The following MDGA2 variants were observed in gnomAD, a reference collection of about 807,000 sequenced individuals.
The protein encoded by MDGA2 is MAM domain-containing glycosylphosphatidylinositol anchor protein 2.
In MDGA2, 40 loss-of-function variants were observed where a neutral mutation model predicts 117.8. The observed-to-expected ratio is 0.34, with a 90% confidence interval of 0.26 to 0.44. MDGA2 has a LOEUF of 0.44. MDGA2 is among the 20% of genes least tolerant of loss of function. The pLI is 1.00. For synonymous variants in MDGA2, 452 were observed against 439.0 expected (o/e 1.03, Z -0.37); for missense variants, 1,123 against 1,250.6 (o/e 0.90, Z 1.54).
At chr14:47,069,336 T>C (rs955231640) in intron 6 of MDGA2, among the ~76,000 whole-genome samples, 1 of 152,208 alleles carries the variant, frequency 6.6e-6, no homozygotes, top group Admixed American at 6.5e-5. Flanking sequence ...TGAACATCTC[T>C]TTTATACTGG....
chr14:47,109,849 G>A (rs549704716), intron 5 of MDGA2, among the ~76,000 whole-genome samples: 4 of 152,270 alleles, frequency 2.6e-5, no homozygotes, highest in East Asian at 1.9e-4. Flanking sequence ...GGGAGGCTGA[G>A]GCAAGATAAT....
intron 1 of MDGA2, among the ~76,000 whole-genome samples, chr14:47,420,922 T>C (rs1473627914): frequency 6.6e-6 from 1 of 152,072 alleles, no homozygotes; most frequent in Non-Finnish European, 1.5e-5. Flanking sequence ...CAGAGGACCA[T>C]TTTGATTCTT....
intron 1 of MDGA2, among the ~76,000 whole-genome samples, chr14:47,464,174 A>G (rs1893551438): frequency 6.6e-6 from 1 of 151,878 alleles, no homozygotes; most frequent in Non-Finnish European, 1.5e-5. Flanking sequence ...TGGTATCAGC[A>G]GACATAAATC....
chr14:47,227,089 GA>G (rs1244932483), intron 2 of MDGA2, among the ~76,000 whole-genome samples: 1 of 152,060 alleles, frequency 6.6e-6, no homozygotes, highest in Non-Finnish European at 1.5e-5. Context: ...ACATGCTTTA[GA>G]AATCAGCTGT....
chr14:47,674,752 G>A lies in MDGA2; in HGVS notation c.45C>T (p.Arg15=). The A allele has an allele frequency of 1.4e-6, 1 of 715,956 alleles. No homozygotes were observed. The highest frequency in any genetic ancestry group is 2.5e-6 in the Non-Finnish European group (1 of 397,630). The allele number at this position is 715,956 out of a possible 1,614,324, so 44.4% of individuals were successfully genotyped here. A position where few individuals can be genotyped will look rare whatever the true frequency, so the allele number is the denominator to read the frequency against. Residue 15 remains arginine (R), a synonymous_variant, in exon 1 of 17, where the codon CGC becomes CGT. Transcript: ENST00000399232. ...GCCGTCCGTCTGTCCTTCCCCGGCG[G>A]CGGCGGCGAGCGGAGCGCAGGAGCC... ...SAGLLRSARR[R]RRGRTDGRRF...
intron 1 of MDGA2, among the ~76,000 whole-genome samples, chr14:47,496,773 A>AAT (rs1035873258): frequency 6.7e-6 from 1 of 150,208 alleles, no homozygotes; most frequent in African/African-American, 2.4e-5. Flanking sequence ...ATTTTACTAT[A>AAT]ATATATATAA....
chr14:47,084,647 T>C (rs1890832269), intron 6 of MDGA2, among the ~76,000 whole-genome samples: 1 of 152,142 alleles, frequency 6.6e-6, no homozygotes, highest in Non-Finnish European at 1.5e-5. Context: ...TATCAGGACG[T>C]GGAGCTTTTC....
intron 3 of MDGA2, among the ~76,000 whole-genome samples, chr14:47,197,416 C>T (rs913213819): frequency 2.0e-5 from 3 of 151,930 alleles, no homozygotes; most frequent in East Asian, 1.9e-4. Context: ...GAAAGTGCTC[C>T]GTGGCTCACT....
chr14:47,645,344 C>T (rs141445513), intron 1 of MDGA2, among the ~76,000 whole-genome samples: 13,601 of 151,846 alleles, frequency 0.09, 648 homozygotes, highest in Non-Finnish European at 0.11. Context: ...CCCGGGTTCA[C>T]GCCATTCTCC....
chr14:46,939,379 A>G (rs1310069490), intron 9 of MDGA2, among the ~76,000 whole-genome samples: 3 of 152,174 alleles, frequency 2.0e-5, no homozygotes, highest in Non-Finnish European at 4.4e-5. Context: ...ACCCATAAAT[A>G]AGTAAAATTA....
rs769979012 is a variant in MDGA2 at position 47,061,595 on chromosome 14, C to T, written c.1196-17G>A. On this transcript the variant is annotated splice_polypyrimidine_tract_variant and intron_variant, in intron 6 of 16. Coordinates refer to ENST00000399232, the MANE Select transcript of MDGA2 (RefSeq NM_001113498.3). ...TTTTTAATGCTACAACATAAAAATT[C>T]CATAAGGAGTTAGTGTTACTTTCAT... 2.5e-6 allele frequency: 4 copies of T among 1,584,644 alleles called. No homozygotes were observed. The highest frequency in any genetic ancestry group is 1.4e-5 in the African/African-American group (1 of 73,892).
intron 10 of MDGA2, among the ~76,000 whole-genome samples, chr14:46,891,278 G>A (rs1882873905): frequency 6.6e-6 from 1 of 151,610 alleles, no homozygotes; most frequent in Admixed American, 6.6e-5. Context: ...CTATTAAAAT[G>A]TGTAGAATTA....
intron 6 of MDGA2, among the ~76,000 whole-genome samples, chr14:47,096,131 T>A (rs1298311487): frequency 6.6e-6 from 1 of 152,020 alleles, no homozygotes; most frequent in Non-Finnish European, 1.5e-5. Flanking sequence ...CTACTTTGAC[T>A]TAGTGACTTA....
intron 1 of MDGA2, among the ~76,000 whole-genome samples, chr14:47,348,871 T>C (rs990496049): frequency 5.3e-5 from 8 of 152,158 alleles, no homozygotes; most frequent in Non-Finnish European, 8.8e-5. Context: ...TGGAGAAAAG[T>C]TGAATTTTAA....
intron 3 of MDGA2, among the ~76,000 whole-genome samples, chr14:47,169,574 G>A (rs970196109): frequency 6.6e-6 from 1 of 151,646 alleles, no homozygotes; most frequent in Non-Finnish European, 1.5e-5. Flanking sequence ...TTGTCAACAT[G>A]GAAATAAACT....
intron 1 of MDGA2, among the ~76,000 whole-genome samples, chr14:47,434,560 C>T (rs554083445): frequency 6.6e-5 from 10 of 152,126 alleles, no homozygotes; most frequent in Non-Finnish European, 7.4e-5. Context: ...GTATGTAAAA[C>T]CAGTGTGGAC....
chr14:47,114,012 C>G (rs754892776), intron 5 of MDGA2, among the ~76,000 whole-genome samples: 13 of 152,112 alleles, frequency 8.5e-5, no homozygotes, highest in Non-Finnish European at 1.9e-4. Flanking sequence ...AAAACCCCAT[C>G]ATCTCACCCC....
intron 3 of MDGA2, among the ~76,000 whole-genome samples, chr14:47,155,129 C>A (rs1004256663): frequency 6.6e-6 from 1 of 152,150 alleles, no homozygotes; most frequent in African/African-American, 2.4e-5. Context: ...CGTACAGATG[C>A]TGCGATGACC....
chr14:47,011,209 G>GA (rs1249936523), intron 8 of MDGA2, among the ~76,000 whole-genome samples: 2 of 151,530 alleles, frequency 1.3e-5, no homozygotes, highest in African/African-American at 2.4e-5. Flanking sequence ...AGAGCTCGGA[G>GA]AAAAAAAATG....
Sources: gnomAD v4.1 joint callset for allele counts (sites outside exome capture counted in the v4.1 genomes callset) on GRCh38, gnomAD v4.1.1 for gene constraint, MANE v1.5 for transcripts, NCBI Gene and HGNC (gene_info 2026-07-23, HGNC 2026-07-21) for gene names.